The following CKAP5 variants were observed in gnomAD, a reference collection of about 807,000 sequenced individuals.
The protein encoded by CKAP5 is cytoskeleton associated protein 5, also known as cytoskeleton-associated protein 5.
A neutral mutation model predicts 232.8 loss-of-function variants in CKAP5; 27 were observed. The ratio of observed to expected loss-of-function variants is 0.12; its 90% CI spans 0.09 to 0.16. The LOEUF (loss-of-function observed/expected upper bound fraction) is 0.16. CKAP5 is among the 10% of genes least tolerant of loss of function. The probability of loss-of-function intolerance (pLI) is 1.00; values close to 1 mark genes in which losing one functional copy is unlikely to be tolerated. For synonymous variants in CKAP5, 785 were observed against 841.1 expected, an observed-to-expected ratio of 0.93 and a Z score of 1.16; for missense variants, 1,838 against 2,424.7, an observed-to-expected ratio of 0.76 and a Z score of 5.08.
At chr11:46,753,793 C>T (rs1019074645) in intron 36 of CKAP5, among the ~76,000 whole-genome samples, 4 of 151,470 alleles carry the variant, frequency 2.6e-5, no homozygotes, top group East Asian at 1.9e-4. Flanking sequence ...GGGGTTTCAC[C>T]GTGTTAGCCA....
intron 8 of CKAP5, among the ~76,000 whole-genome samples, chr11:46,805,834 G>A (rs549296052): frequency 6.6e-6 from 1 of 152,274 alleles, no homozygotes; most frequent in South Asian, 2.1e-4. Context: ...CTATTTGGGA[G>A]GCTGAGGCAG....
intron 1 of CKAP5, among the ~76,000 whole-genome samples, chr11:46,844,737 G>C (rs2134731583): frequency 6.6e-6 from 1 of 152,256 alleles, no homozygotes; most frequent in East Asian, 1.9e-4. Flanking sequence ...TGTCTCCCGG[G>C]TTCAAATGAT....
chr11:46,754,329 C>G (rs184370280), intron 36 of CKAP5, among the ~76,000 whole-genome samples: 1 of 152,212 alleles, frequency 6.6e-6, no homozygotes, highest in African/African-American at 2.4e-5. Flanking sequence ...AAATTATTTA[C>G]TGTTATGCCA....
chr11:46,763,330 A>AT (rs1325764662), intron 29 of CKAP5, 151 bp from the exon 30 acceptor site: 19 of 938,600 alleles, frequency 2.0e-5, no homozygotes, highest in Non-Finnish European at 2.8e-5. Flanking sequence ...ATACACACAC[A>AT]TTCATTTATT....
chr11:46,821,487 C>T (rs570244554), intron 1 of CKAP5, among the ~76,000 whole-genome samples: 1 of 137,324 alleles, frequency 7.3e-6, no homozygotes, highest in African/African-American at 2.8e-5. Context: ...TGCAGTGGCC[C>T]GATCTCCGCT....
rs922430903 is a variant in CKAP5, at chr11:46,785,993, T to TA, written c.1969-1321dup. Among the ~76,000 whole-genome samples the TA allele has an allele frequency of 2.6e-4, 40 of 151,516 alleles. 1 individual carries two copies. The highest frequency in any genetic ancestry group is 2.6e-3 in the Admixed American group (39 of 15,196). ...GCAGGCATGTGAAAAAATAAAAATTTAAAAAATTAAAAAAAAAATTCCCAA... is the reference window on the plus strand; with the variant it reads ...GCAGGCATGTGAAAAAATAAAAATTTAAAAAAATTAAAAAAAAAATTCCCAA... On this transcript the variant is annotated intron_variant, in intron 16 of 43. Coordinates refer to ENST00000529230, the MANE Select transcript of CKAP5 (RefSeq NM_001008938.4).
At position 46,808,101 on chromosome 11, in the gene CKAP5, A is replaced by G; in HGVS notation, c.908T>C (p.Val303Ala). The stretch of plus-strand genomic sequence containing the variant: ...TTTGGGGTTTTTTATTAGTACTTCT[A>G]CAGACTCCAGGGCCTCTTTTCTCTC... ...WQERKEALES[V>A]EVLIKNPKLE... The change falls in exon 8 of 44, where the codon GTA becomes GCA. Residue 303 changes from valine (V) to alanine (A), a missense_variant. Physicochemically the swap from Val to Ala is moderately conservative, Grantham distance 64 (BLOSUM62 0). Around this residue, in one of 6 missense-constraint regions of CKAP5, gnomAD observed 97 missense variants for 167.7 expected, o/e 0.58. Coordinates refer to ENST00000529230, the MANE Select transcript of CKAP5 (RefSeq NM_001008938.4). 6.2e-7 allele frequency: 1 copy of G among 1,614,050 alleles called. No individual in the cohort carries two copies. The highest frequency in any genetic ancestry group is 1.1e-5 in the South Asian group (1 of 91,082).
intron 1 of CKAP5, among the ~76,000 whole-genome samples, chr11:46,826,330 T>TG (rs1456067445): frequency 6.6e-6 from 1 of 152,124 alleles, no homozygotes; most frequent in Non-Finnish European, 1.5e-5. Flanking sequence ...TAGGACAACT[T>TG]GGAGTTACTG....
chr11:46,790,034 A>C (rs781659916), intron 15 of CKAP5, 42 bp downstream of exon 15: 1 of 1,302,988 alleles, frequency 7.7e-7, no homozygotes, highest in Non-Finnish European at 1.1e-6. Context: ...GCTTCCATAT[A>C]ATCTAATTTT....
chr11:46,810,936 C>T, intron 5 of CKAP5, 71 bp downstream of exon 5: 1 of 1,319,690 alleles, frequency 7.6e-7, no homozygotes, highest in Non-Finnish European at 1.0e-6. Flanking sequence ...GACAGAATAT[C>T]AACAACGATA....
At chr11:46,826,222 A>C (rs1939648642) in intron 1 of CKAP5, among the ~76,000 whole-genome samples, 2 of 151,958 alleles carry the variant, frequency 1.3e-5, no homozygotes, top group South Asian at 4.2e-4. Flanking sequence ...GGTTAACTGG[A>C]CTCTTCCTAA....
chr11:46,807,194 T>C (rs760553113), intron 8 of CKAP5, among the ~76,000 whole-genome samples: 2 of 152,220 alleles, frequency 1.3e-5, no homozygotes, highest in Non-Finnish European at 2.9e-5. Context: ...TATGTACTGA[T>C]TGATGGAAAT....
intron 36 of CKAP5, among the ~76,000 whole-genome samples, chr11:46,754,041 C>T (rs189340628): frequency 6.6e-6 from 1 of 152,092 alleles, no homozygotes; most frequent in African/African-American, 2.4e-5. Context: ...CTCTGTTGCC[C>T]AGACTGGAGT....
intron 42 of CKAP5, 25 bp downstream of exon 42, chr11:46,750,249 C>G (rs774907528): frequency 8.7e-6 from 14 of 1,604,954 alleles, no homozygotes; most frequent in Middle Eastern, 1.7e-4. Context: ...GAGCTTATTC[C>G]TGGAGCTATA....
chr11:46,802,557 G>GACACACACACACACACACACACAC (rs1254439046), intron 8 of CKAP5, among the ~76,000 whole-genome samples: 1 of 147,446 alleles, frequency 6.8e-6, no homozygotes, highest in Admixed American at 6.8e-5. Flanking sequence ...CAGACAGACA[G>GACACACACACACACACACACACAC]ACACACACAC....
In CKAP5 at chr11:46,779,538, C is replaced by G. The variant is rs182967119; in HGVS notation, c.2433+656G>C. Among the ~76,000 whole-genome samples, 959 of 152,284 alleles carry G rather than the reference C, an allele frequency of 6.3e-3. 13 individuals are homozygous for G. Among genetic ancestry groups the G allele is most frequent in the African/African-American group, 0.022 (915 of 41,572 alleles). ...GAAAGACAGAGTCTCAGTATGTTGC[C>G]CAGGCTGGAGTGCAGTGGCTATTCA... is the stretch of plus-strand genomic sequence containing the variant. On this transcript the variant is annotated intron_variant, in intron 20 of 43. Transcript: ENST00000529230.
Position 46,754,968 on chromosome 11 carries a change from T to C in CKAP5, c.4789A>G (p.Asn1597Asp). The C allele has an allele frequency of 6.2e-7, 1 of 1,613,952 alleles. No homozygotes were observed. Among genetic ancestry groups the C allele is most frequent in the Non-Finnish European group, 8.5e-7 (1 of 1,179,856 alleles). The change falls in exon 36 of 44, where the codon AAC becomes GAC. Residue 1597 changes from asparagine to aspartate, a missense_variant. Physicochemically the swap from Asn to Asp is conservative, Grantham distance 23. This residue lies in a region of CKAP5 where 579 missense variants were observed against 843.2 expected (regional missense o/e 0.69). Transcript: ENST00000529230. Reference sequence around the variant, plus strand: ...AATTTCTCATCTGCCATGTGTGTGTTGTAGATGAGTCTTAGCTGCATAAAA... The same window carrying C: ...AATTTCTCATCTGCCATGTGTGTGTCGTAGATGAGTCTTAGCTGCATAAAA... ...ATFMQLRLIY[N>D]THMADEKLEK...
intron 8 of CKAP5, among the ~76,000 whole-genome samples, chr11:46,801,669 CAA>C (rs1005015545): frequency 2.2e-5 from 3 of 136,076 alleles, no homozygotes. Flanking sequence ...GACTCCATCT[CAA>C]AAAAAAAAAA....
chr11:46,832,739 A>T (rs944687281), intron 1 of CKAP5, among the ~76,000 whole-genome samples: 2 of 152,214 alleles, frequency 1.3e-5, no homozygotes, highest in Admixed American at 6.5e-5. Flanking sequence ...CTTGCCTAAC[A>T]TGACTCATCT....
Sources: gnomAD v4.1 joint callset for allele counts (sites outside exome capture counted in the v4.1 genomes callset) on GRCh38, gnomAD v4.1.1 for gene constraint, gnomAD v4.1.1 regional missense constraint, MANE v1.5 for transcripts, NCBI Gene and HGNC (gene_info 2026-07-23, HGNC 2026-07-21) for gene names.